Variants in HMGCLL1 observed in about 807,000 individuals in gnomAD.
HMGCLL1 encodes the protein 3-hydroxymethyl-3-methylglutaryl-CoA lyase, cytoplasmic.
A neutral mutation model predicts 39.1 loss-of-function variants in HMGCLL1; 36 were observed. That is an observed-to-expected ratio of 0.92 (90% CI 0.71 to 1.22). The LOEUF (loss-of-function observed/expected upper bound fraction) is 1.22, where lower values mean the gene tolerates loss of function less well. Ranked by LOEUF, HMGCLL1 falls within the 50% of genes most tolerant of loss-of-function variation. The pLI, the probability that HMGCLL1 is intolerant of heterozygous loss-of-function variation, is 0.00. For synonymous variants in HMGCLL1, 149 were observed against 144.0 expected, an observed-to-expected ratio of 1.03 and a Z score of -0.25; for missense variants, 451 against 416.5, an observed-to-expected ratio of 1.08 and a Z score of -0.72.
intron 8 of HMGCLL1, among the ~76,000 whole-genome samples, chr6:55,437,601 T>C (rs1763423191): frequency 6.6e-6 from 1 of 152,080 alleles, no homozygotes; most frequent in South Asian, 2.1e-4. Context: ...AGGCAAAATA[T>C]ACCATTAACC....
the HMGCLL1 span, among the ~76,000 whole-genome samples, chr6:55,587,886 G>A: frequency 0.012 from 1,878 of 152,190 alleles, 34 homozygotes; most frequent in African/African-American, 0.035. Context: ...CAATACAGGA[G>A]CACCCAGATT....
intron 7 of HMGCLL1, among the ~76,000 whole-genome samples, chr6:55,452,300 C>G (rs896452819): frequency 1.3e-5 from 2 of 152,190 alleles, no homozygotes; most frequent in Non-Finnish European, 2.9e-5. Context: ...TGGTCAATCA[C>G]AGTCTTCTCA....
the HMGCLL1 span, among the ~76,000 whole-genome samples, chr6:55,670,246 CA>C: frequency 1.3e-5 from 2 of 150,830 alleles, no homozygotes; most frequent in East Asian, 2.0e-4. Flanking sequence ...ATTCTATCTC[CA>C]AAAAAAATAT....
chr6:55,623,630 A>G, the HMGCLL1 span, among the ~76,000 whole-genome samples: 6 of 147,186 alleles, frequency 4.1e-5, no homozygotes, highest in African/African-American at 1.2e-4. Context: ...AGAGATATAT[A>G]CATATATACA....
At chr6:55,672,724 G>A in the HMGCLL1 span, among the ~76,000 whole-genome samples, 1 of 151,844 alleles carries the variant, frequency 6.6e-6, no homozygotes, top group Non-Finnish European at 1.5e-5. Context: ...ATATGTAATT[G>A]CAAAATACTA....
chr6:55,463,602 C>T (rs771904959), intron 7 of HMGCLL1, among the ~76,000 whole-genome samples: 4 of 152,152 alleles, frequency 2.6e-5, no homozygotes, highest in Non-Finnish European at 5.9e-5. Flanking sequence ...ACAAATATAA[C>T]ATTTTTGGCT....
chr6:55,672,303 T>G, the HMGCLL1 span, among the ~76,000 whole-genome samples: 1 of 151,268 alleles, frequency 6.6e-6, no homozygotes, highest in South Asian at 2.1e-4. Context: ...GTCATCTGTA[T>G]CTTCTAGAAT....
chr6:55,478,737 A>T (rs1391539842), intron 7 of HMGCLL1, among the ~76,000 whole-genome samples: 1 of 151,320 alleles, frequency 6.6e-6, no homozygotes, highest in African/African-American at 2.4e-5. Flanking sequence ...CGCTTGTCTT[A>T]TGTGGAGTCA....
intron 7 of HMGCLL1, among the ~76,000 whole-genome samples, chr6:55,482,551 T>G (rs1024941965): frequency 4.6e-5 from 7 of 152,158 alleles, no homozygotes. Context: ...GAAAAATAAA[T>G]AACATTTTCT....
the HMGCLL1 span, among the ~76,000 whole-genome samples, chr6:55,593,208 A>C: frequency 7.2e-5 from 11 of 152,128 alleles, no homozygotes; most frequent in African/African-American, 2.4e-4. Flanking sequence ...TCCTGACAGA[A>C]CCATATTCAT....
At chr6:55,572,867 T>C (rs757126783) in intron 1 of HMGCLL1, among the ~76,000 whole-genome samples, 26 of 152,164 alleles carry the variant, frequency 1.7e-4, no homozygotes, top group Non-Finnish European at 2.5e-4. Context: ...CTCAGAAATT[T>C]GGTTAATGAG....
rs143617054 is a variant in HMGCLL1 at position 55,559,598 on chromosome 6, T to C, written c.109-17458A>G. On this transcript the variant is annotated intron_variant, in intron 1 of 8. Transcript: ENST00000274901. ...GAGCGTGGGTCCTGGAATGACCAGA[T>C]CATTCACACTGGACTTGAGCAAAAA... 3.4e-3 allele frequency among the ~76,000 whole-genome samples: 516 copies of C among 152,250 alleles called. 3 individuals are homozygous for C. The highest frequency in any genetic ancestry group is 0.012 in the African/African-American group (495 of 41,556).
intron 1 of HMGCLL1, among the ~76,000 whole-genome samples, chr6:55,558,505 G>T (rs533560831): frequency 9.2e-5 from 14 of 152,074 alleles, no homozygotes; most frequent in Admixed American, 2.0e-4. Context: ...AAAGAATACA[G>T]ACTTAATGAT....
the HMGCLL1 span, among the ~76,000 whole-genome samples, chr6:55,590,555 T>C: frequency 6.6e-6 from 1 of 151,948 alleles, no homozygotes; most frequent in African/African-American, 2.4e-5. Flanking sequence ...ACAAATGGGA[T>C]CTAATTAAAC....
the HMGCLL1 span, among the ~76,000 whole-genome samples, chr6:55,594,422 A>T: frequency 2.0e-5 from 3 of 152,154 alleles, no homozygotes; most frequent in Non-Finnish European, 4.4e-5. Flanking sequence ...TTGCATTAAA[A>T]TGAGCCAAGG....
At chr6:55,577,456 G>C (rs1771816587) in intron 1 of HMGCLL1, among the ~76,000 whole-genome samples, 2 of 152,070 alleles carry the variant, frequency 1.3e-5, no homozygotes, top group Admixed American at 1.3e-4. Flanking sequence ...TATATCTTCA[G>C]AATGGGCCAA....
chr6:55,439,696 C>T, intron 7 of HMGCLL1, 137 bp from the exon 8 acceptor site: 1 of 862,034 alleles, frequency 1.2e-6, no homozygotes, highest in Middle Eastern at 2.3e-4. Context: ...ACCCAGTGGC[C>T]TCTAGAATGG....
In HMGCLL1 at chr6:55,539,859, G is replaced by GA. The variant is rs1769246351; in HGVS notation, c.297+1869dup. Among the ~76,000 whole-genome samples, 4 of 62,838 alleles carry GA rather than the reference G, an allele frequency of 6.4e-5. No homozygotes were observed. In the East Asian group the frequency reaches 2.1e-3, roughly 33 times the overall value. The allele number at this position is 62,838 out of a possible 152,430, so 41.2% of individuals were successfully genotyped here. On this transcript the variant is annotated intron_variant, in intron 3 of 8. Coordinates refer to ENST00000274901, the MANE Select transcript of HMGCLL1 (RefSeq NM_001042406.2). ...TGTACCCCTAAAGTGAAAGAAAGAG[G>GA]AAGAAAGAAAGAAAGAAAGAAAGAA...
intron 1 of HMGCLL1, among the ~76,000 whole-genome samples, chr6:55,548,583 A>T (rs1176033675): frequency 3.3e-5 from 5 of 152,044 alleles, no homozygotes; most frequent in African/African-American, 1.2e-4. Flanking sequence ...GGTTTTTAGC[A>T]TCTTTACCAT....
Sources: allele counts gnomAD v4.1 joint callset (sites outside exome capture counted in the v4.1 genomes callset), GRCh38; gene constraint gnomAD v4.1.1; transcripts MANE v1.5; gene names NCBI Gene and HGNC (gene_info 2026-07-23, HGNC 2026-07-21).